ITPKB: variants seen among roughly 807,000 people sequenced by gnomAD.
The protein encoded by ITPKB is IP3 3-kinase B.
A neutral mutation model predicts 69.4 loss-of-function variants in ITPKB; 13 were observed. That is an observed-to-expected ratio of 0.19 (90% CI 0.12 to 0.30). ITPKB has a LOEUF of 0.30. ITPKB is among the 10% of genes least tolerant of loss of function. The pLI is 1.00. For missense variants in ITPKB, 1,240 were observed against 1,250.5 expected (o/e 0.99, Z 0.13); for synonymous variants, 584 against 513.7 (o/e 1.14, Z -1.85).
chr1:226,699,654 T>C (rs1280741326), intron 2 of ITPKB, among the ~76,000 whole-genome samples: 1 of 152,244 alleles, frequency 6.6e-6, no homozygotes, highest in Non-Finnish European at 1.5e-5. Context: ...TCATCTTTAC[T>C]GTCAGCTTTT....
At chr1:226,732,890 C>T (rs571410612) in intron 2 of ITPKB, among the ~76,000 whole-genome samples, 164 of 152,306 alleles carry the variant, frequency 1.1e-3, no homozygotes, top group African/African-American at 3.9e-3. Flanking sequence ...CTGATCCCTA[C>T]TAAGCAGATA....
chr1:226,659,219 G>T (rs924688372), intron 2 of ITPKB, among the ~76,000 whole-genome samples: 1 of 152,108 alleles, frequency 6.6e-6, no homozygotes, highest in Non-Finnish European at 1.5e-5. Context: ...TGGCACCCAG[G>T]GGCCCTCCAT....
rs1019680122 is a variant in ITPKB at position 226,717,958 on chromosome 1, G to A, written c.1932+17569C>T. ...GCCAGATCATTCCACAGAAGGAGAC[G>A]GTAAATAAGCCAGTGAAAAAATTAA... On this transcript the variant is annotated intron_variant, in intron 2 of 7. Transcript: ENST00000429204. Among the ~76,000 whole-genome samples the A allele has an allele frequency of 9.9e-5, 15 of 152,210 alleles. No homozygotes were observed. The East Asian group carries it at 1.2e-3, about 12-fold the overall frequency.
chr1:226,720,161 A>G (rs2102642861), intron 2 of ITPKB, among the ~76,000 whole-genome samples: 1 of 152,334 alleles, frequency 6.6e-6, no homozygotes, highest in African/African-American at 2.4e-5. Context: ...CACCTCCTCA[A>G]GTAGAAAATT....
At position 226,639,575 on chromosome 1, in the gene ITPKB, T is replaced by C. The variant is rs759317190; in HGVS notation, c.2535A>G (p.Lys845=). Reference sequence around the variant, plus strand: ...GACTCACCAGGATGTTATGGTTTCCTTTAGTGAACTCTCTGAAGGCCTCGG... The same window carrying C: ...GACTCACCAGGATGTTATGGTTTCCCTTAGTGAACTCTCTGAAGGCCTCGG... The part of the protein sequence containing the change: ...QVTEAFREFT[K]GNHNILIAYR... Residue 845 remains lysine, a synonymous_variant, in exon 6 of 8, where the codon AAA becomes AAG. Transcript: ENST00000429204. 6.2e-7 allele frequency: 1 copy of C among 1,611,674 alleles called. No homozygotes were observed. The highest frequency in any genetic ancestry group is 8.5e-7 in the Non-Finnish European group (1 of 1,177,750).
chr1:226,658,723 G>A (rs776005684), intron 2 of ITPKB, among the ~76,000 whole-genome samples: 5 of 152,146 alleles, frequency 3.3e-5, no homozygotes, highest in African/African-American at 4.8e-5. Flanking sequence ...CACCAGGCAC[G>A]AGGTTCTTCT....
chr1:226,688,228 A>G (rs1332305852), intron 2 of ITPKB, among the ~76,000 whole-genome samples: 1 of 152,238 alleles, frequency 6.6e-6, no homozygotes, highest in Non-Finnish European at 1.5e-5. Context: ...AGGGTTCCAG[A>G]AAAGAGCATA....
Position 226,736,100 on chromosome 1 carries a change from A to T in ITPKB, c.1359T>A (p.Leu453=), listed in dbSNP as rs145686852. The change falls in exon 2 of 8, where the codon CTT becomes CTA. Residue 453 remains leucine (L), a synonymous_variant. Transcript: ENST00000429204. ...CCGGCTGTGCTGAGGGGCTGCCCCC[A>T]AGCAAGCCCAGCGTTGGGGACCCTC... ...VEGGSPTLGL[L]GGSPSAQPGT... The T allele has an allele frequency of 1.9e-6, 3 of 1,606,788 alleles. No homozygotes were observed. The highest frequency in any genetic ancestry group is 1.7e-5 in the Admixed American group (1 of 59,696).
rs563266870 is a variant in ITPKB, at chr1:226,735,954, T to C, written c.1505A>G (p.Gln502Arg). Residue 502 changes from glutamine to arginine, a missense_variant, in exon 2 of 8, where the codon CAG (glutamine) becomes CGG (arginine). By Grantham distance (43) the Gln-to-Arg change is conservative. This residue lies in a region of ITPKB where 992 missense variants were observed against 853.8 expected (regional missense o/e 1.16). Transcript: ENST00000429204. ...CTGCCAAACCCTGGAGTTCCCAGGC[T>C]GCACACCCACCCTGTCCCCAGGAGG... ...QCPPGDRVGVQPGNSRVWQGT... is the reference protein window; with the variant it reads ...QCPPGDRVGVRPGNSRVWQGT... 1 of 1,614,056 alleles carries C rather than the reference T, an allele frequency of 6.2e-7. No homozygotes were observed. The highest frequency in any genetic ancestry group is 1.3e-5 in the African/African-American group (1 of 75,048).
chr1:226,707,817 C>T, intron 2 of ITPKB: 12 of 1,140,558 alleles, frequency 1.1e-5, no homozygotes, highest in Non-Finnish European at 1.3e-5. Flanking sequence ...TCAGTCTTTC[C>T]AGAGAGTAGT....
At chr1:226,692,223 C>G (rs966751889) in intron 2 of ITPKB, among the ~76,000 whole-genome samples, 5 of 152,150 alleles carry the variant, frequency 3.3e-5, no homozygotes, top group Non-Finnish European at 5.9e-5. Context: ...TTCCATTACA[C>G]TAGGCTGCCT....
In ITPKB at chr1:226,657,493, T is replaced by C. The variant is rs1669318373; in HGVS notation, c.1933-8722A>G. On this transcript the variant is annotated intron_variant, in intron 2 of 7. Transcript: ENST00000429204. ...AAGAAAGAGTCTCCCTTTGTTGTTG[T>C]TGTTGGGTAAAAGAGATGAGGGGAA... Among the ~76,000 whole-genome samples, 3 of 152,182 alleles carry C rather than the reference T, an allele frequency of 2.0e-5. No homozygotes were observed. In the South Asian group the frequency reaches 6.2e-4, roughly 32 times the overall value.
chr1:226,668,491 TG>T (rs1318850304), intron 2 of ITPKB, among the ~76,000 whole-genome samples: 1 of 152,242 alleles, frequency 6.6e-6, no homozygotes, highest in Non-Finnish European at 1.5e-5. Context: ...AAATAGAACC[TG>T]GGCTATTCCA....
chr1:226,692,669 A>G (rs1199252170), intron 2 of ITPKB, among the ~76,000 whole-genome samples: 1 of 152,190 alleles, frequency 6.6e-6, no homozygotes, highest in African/African-American at 2.4e-5. Flanking sequence ...CCGGCCACTA[A>G]AAGGGAAAGC....
chr1:226,660,676 C>T (rs775052631), intron 2 of ITPKB, among the ~76,000 whole-genome samples: 1 of 152,088 alleles, frequency 6.6e-6, no homozygotes, highest in Non-Finnish European at 1.5e-5. Context: ...GCAGAGCTCA[C>T]ACCAGGGGCC....
intron 2 of ITPKB, among the ~76,000 whole-genome samples, chr1:226,721,391 A>C (rs1657238985): frequency 6.6e-6 from 1 of 151,110 alleles, no homozygotes; most frequent in Non-Finnish European, 1.5e-5. Context: ...AATATTGATG[A>C]GCCAGGACTC....
intron 2 of ITPKB, among the ~76,000 whole-genome samples, chr1:226,691,346 C>G (rs1472962575): frequency 6.6e-6 from 1 of 152,162 alleles, no homozygotes. Flanking sequence ...ATTCTCTTCC[C>G]AGCCTCAGCC....
rs1350934183 is a variant in ITPKB, at chr1:226,727,021, A to T, written c.1932+8506T>A. 2.0e-5 allele frequency among the ~76,000 whole-genome samples: 3 copies of T among 152,176 alleles called. No individual in the cohort carries two copies. The South Asian group carries it at 6.2e-4, about 32-fold the overall frequency. On this transcript the variant is annotated intron_variant, in intron 2 of 7. Coordinates refer to ENST00000429204, the MANE Select transcript of ITPKB (RefSeq NM_002221.4). ...CTCATTGTCATACACAGGCCTTTTC[A>T]GTTTCCTGCTAGCAGATTCAGGTTA...
Position 226,641,860 on chromosome 1 carries a change from G to A in ITPKB, c.2451+61C>T, listed in dbSNP as rs764792192. 1.1e-4 allele frequency: 162 copies of A among 1,476,526 alleles called. No individual in the cohort carries two copies. Among genetic ancestry groups the A allele is most frequent in the Non-Finnish European group, 1.4e-4 (154 of 1,073,074 alleles). The allele number at this position is 1,476,526 out of a possible 1,614,324, so 91.5% of individuals were successfully genotyped here. A position where few individuals can be genotyped will look rare whatever the true frequency, so the allele number is the denominator to read the frequency against. The stretch of plus-strand genomic sequence containing the variant: ...CAGCTTCCAAAGGGCGCTGAGAGAA[G>A]CCAAGCCCCCTGAGGTGGGCACGGG... On this transcript the variant is annotated intron_variant, in intron 5 of 7. Coordinates refer to ENST00000429204, the MANE Select transcript of ITPKB (RefSeq NM_002221.4). The surrounding 1 kb of genome is among the most constrained non-coding windows in gnomAD (Gnocchi z 4.6).
Sources: gnomAD v4.1 joint callset for allele counts (sites outside exome capture counted in the v4.1 genomes callset) on GRCh38, gnomAD v4.1.1 for gene constraint, gnomAD v4.1.1 regional missense constraint, Gnocchi (gnomAD v3.1) non-coding constraint, MANE v1.5 for transcripts, NCBI Gene and HGNC (gene_info 2026-07-23, HGNC 2026-07-21) for gene names.